The following STK17A variants were observed in gnomAD, a reference collection of about 807,000 sequenced individuals.
STK17A encodes serine/threonine kinase 17a.
A neutral mutation model predicts 43.7 loss-of-function variants in STK17A; 26 were observed. That is an observed-to-expected ratio of 0.60 (90% CI 0.44 to 0.83). The LOEUF (loss-of-function observed/expected upper bound fraction) is 0.83, where lower values mean the gene tolerates loss of function less well. Among genes scored for constraint, STK17A ranks in the 40% least tolerant of loss-of-function variants. STK17A has a pLI of 0.00. For missense variants in STK17A, 476 were observed against 511.6 expected, an observed-to-expected ratio of 0.93 and a Z score of 0.67; for synonymous variants, 191 against 182.5, an observed-to-expected ratio of 1.05 and a Z score of -0.38.
intron 1 of STK17A, among the ~76,000 whole-genome samples, chr7:43,589,630 T>C (rs1314567841): frequency 2.0e-5 from 3 of 152,148 alleles, no homozygotes; most frequent in African/African-American, 4.8e-5. Context: ...ATTTACACAG[T>C]ACCTATATTA....
chr7:43,607,944 C>T (rs751553342), intron 2 of STK17A, among the ~76,000 whole-genome samples: 4 of 152,142 alleles, frequency 2.6e-5, no homozygotes, highest in African/African-American at 4.8e-5. Flanking sequence ...ACTGAGTTGG[C>T]TCAGCCTATA....
intron 2 of STK17A, among the ~76,000 whole-genome samples, chr7:43,602,528 C>T (rs1382393072): frequency 6.6e-6 from 1 of 152,190 alleles, no homozygotes; most frequent in Non-Finnish European, 1.5e-5. Context: ...TTTTAGTATT[C>T]ATGCCAGTTC....
At chr7:43,589,777 C>T (rs114695077) in intron 1 of STK17A, among the ~76,000 whole-genome samples, 2,804 of 151,248 alleles carry the variant, frequency 0.019, 90 homozygotes, top group African/African-American at 0.062. Flanking sequence ...CCAGTCCCTA[C>T]GCTGGTACTT....
intron 2 of STK17A, among the ~76,000 whole-genome samples, chr7:43,606,476 A>T (rs1355216734): frequency 6.6e-6 from 1 of 152,194 alleles, no homozygotes; most frequent in African/African-American, 2.4e-5. Flanking sequence ...GACCACTAGA[A>T]AGTTGAAATT....
chr7:43,602,306 T>A (rs1457127076), intron 2 of STK17A, among the ~76,000 whole-genome samples: 3 of 152,198 alleles, frequency 2.0e-5, no homozygotes, highest in African/African-American at 7.2e-5. Context: ...CTTTGACTCT[T>A]ATGTCTTGCC....
At chr7:43,612,872 C>T (rs2083002149) in intron 3 of STK17A, among the ~76,000 whole-genome samples, 1 of 151,352 alleles carries the variant, frequency 6.6e-6, no homozygotes, top group South Asian at 2.1e-4. Flanking sequence ...TCCATACAGC[C>T]ACAAAAATAG....
intron 4 of STK17A, among the ~76,000 whole-genome samples, chr7:43,620,560 G>C (rs1051227769): frequency 6.6e-6 from 1 of 152,060 alleles, no homozygotes; most frequent in African/African-American, 2.4e-5. Context: ...TGTAGTCCCA[G>C]CTACTCGGGA....
chr7:43,625,513 T>C lies in STK17A; in HGVS notation c.*671T>C, dbSNP rs533886785. On this transcript the variant is annotated 3_prime_UTR_variant, in exon 7 of 7. Transcript: ENST00000319357. ...AGGTGGTAATTTTTCACCTCTGAAA[T>C]TATTCTGGGTTTAGGTGTCAGCTCT... is the stretch of plus-strand genomic sequence containing the variant. 6.6e-6 allele frequency: 1 copy of C among 152,342 alleles called. No homozygotes were observed. The highest frequency in any genetic ancestry group is 1.9e-4 in the East Asian group (1 of 5,188). 9.4% of individuals were successfully genotyped at this position (152,342 alleles called of 1,614,324 possible).
chr7:43,607,581 G>A (rs924618013), intron 2 of STK17A, among the ~76,000 whole-genome samples: 5 of 146,918 alleles, frequency 3.4e-5, no homozygotes, highest in East Asian at 2.0e-4. Flanking sequence ...CCCAGGAGGC[G>A]GAGGTTGCAG....
chr7:43,623,533 T>A, intron 4 of STK17A, 39 bp from the exon 5 acceptor site: 1 of 1,579,722 alleles, frequency 6.3e-7, no homozygotes, highest in East Asian at 2.2e-5. Flanking sequence ...GGAATTTTTT[T>A]CCACAAAACT....
intron 3 of STK17A, among the ~76,000 whole-genome samples, chr7:43,616,172 A>T (rs952166122): frequency 1.3e-5 from 2 of 152,176 alleles, no homozygotes; most frequent in Non-Finnish European, 2.9e-5. Context: ...TCTCCTCTGT[A>T]ATTTTCCAGG....
rs536430043 is a variant in STK17A at position 43,593,034 on chromosome 7, G to A, written c.207-2867G>A. On this transcript the variant is annotated intron_variant, in intron 1 of 6. Coordinates refer to ENST00000319357, the MANE Select transcript of STK17A (RefSeq NM_004760.3). The stretch of plus-strand genomic sequence containing the variant: ...TTAGTGTGCTCATCACCTAAATAGC[G>A]TACATTGTACCCAATAGGTAGTATT... 3.9e-5 allele frequency among the ~76,000 whole-genome samples: 6 copies of A among 152,306 alleles called. No individual in the cohort carries two copies. In the South Asian group the frequency reaches 1.0e-3, roughly 26 times the overall value.
At chr7:43,599,044 C>T (rs1196664589) in intron 2 of STK17A, among the ~76,000 whole-genome samples, 2 of 152,130 alleles carry the variant, frequency 1.3e-5, no homozygotes, top group Non-Finnish European at 2.9e-5. Context: ...GGATTACAGG[C>T]ATCAGCCACC....
intron 2 of STK17A, among the ~76,000 whole-genome samples, chr7:43,597,334 TA>T (rs1173799071): frequency 6.6e-6 from 1 of 151,208 alleles, no homozygotes; most frequent in Non-Finnish European, 1.5e-5. Flanking sequence ...AAAAATTCTG[TA>T]AAAGACATTT....
At chr7:43,618,516 A>G (rs896991695) in intron 3 of STK17A, among the ~76,000 whole-genome samples, 1 of 152,214 alleles carries the variant, frequency 6.6e-6, no homozygotes, top group Non-Finnish European at 1.5e-5. Context: ...GTTAGAGTGA[A>G]GTATTTGTAA....
chr7:43,597,057 C>T (rs924514236), intron 2 of STK17A, among the ~76,000 whole-genome samples: 1 of 151,916 alleles, frequency 6.6e-6, no homozygotes, highest in Non-Finnish European at 1.5e-5. Context: ...TAAATCCAAA[C>T]AAAATGAAAA....
Position 43,623,961 on chromosome 7 carries a change from GT to G in STK17A, c.920+79del, listed in dbSNP as rs2084208758. 2.9e-5 allele frequency: 33 copies of G among 1,122,794 alleles called. 1 individual carries two copies. In the South Asian group the frequency reaches 1.0e-3, roughly 35 times the overall value. 69.6% of individuals were successfully genotyped at this position (1,122,794 alleles called of 1,614,324 possible). ...AAAATTCAGTATTAAAAAACTGACAGTTTTTTCTTGAATCTCCTCCAACCAA... is the reference window on the plus strand; with the variant it reads ...AAAATTCAGTATTAAAAAACTGACAGTTTTTCTTGAATCTCCTCCAACCAA... On this transcript the variant is annotated intron_variant, in intron 6 of 6. Coordinates refer to ENST00000319357, the MANE Select transcript of STK17A (RefSeq NM_004760.3).
intron 4 of STK17A, among the ~76,000 whole-genome samples, chr7:43,621,995 A>AT (rs2083944113): frequency 6.6e-6 from 1 of 152,100 alleles, no homozygotes; most frequent in Non-Finnish European, 1.5e-5. Context: ...TATACCTCAG[A>AT]TTCCTCTGTC....
intron 3 of STK17A, among the ~76,000 whole-genome samples, chr7:43,610,212 T>C (rs1185271624): frequency 6.6e-6 from 1 of 151,038 alleles, no homozygotes; most frequent in Non-Finnish European, 1.5e-5. Context: ...CCAGGCATGG[T>C]GGTGGGTGCC....
Sources: allele counts gnomAD v4.1 joint callset (sites outside exome capture counted in the v4.1 genomes callset), GRCh38; gene constraint gnomAD v4.1.1; transcripts MANE v1.5; gene names NCBI Gene and HGNC (gene_info 2026-07-23, HGNC 2026-07-21).